MEIS1: variants seen among roughly 807,000 people sequenced by gnomAD.
MEIS1 encodes the protein homeobox protein Meis1.
In MEIS1, 5 loss-of-function variants were observed where a neutral mutation model predicts 50.8. That is an observed-to-expected ratio of 0.10 (90% confidence interval 0.05 to 0.21). The LOEUF (loss-of-function observed/expected upper bound fraction) is 0.21. MEIS1 is among the 10% of genes least tolerant of loss of function. The probability of loss-of-function intolerance (pLI) is 1.00; values close to 1 mark genes in which losing one functional copy is unlikely to be tolerated. For missense variants in MEIS1, 318 were observed against 517.3 expected, an observed-to-expected ratio of 0.61 and a Z score of 3.74; for synonymous variants, 176 against 179.3, an observed-to-expected ratio of 0.98 and a Z score of 0.15.
chr2:66,509,922 A>G (rs1459118324), intron 7 of MEIS1, among the ~76,000 whole-genome samples: 1 of 152,216 alleles, frequency 6.6e-6, no homozygotes, highest in Non-Finnish European at 1.5e-5. Flanking sequence ...GGCAGGCACT[A>G]TGCATTGCTT....
chr2:66,490,004 A>G (rs1470557334), intron 7 of MEIS1, among the ~76,000 whole-genome samples: 1 of 152,250 alleles, frequency 6.6e-6, no homozygotes, highest in Non-Finnish European at 1.5e-5. Flanking sequence ...TGGATTGCAT[A>G]AAACTGCTTA....
chr2:66,463,977 T>C (rs1202348353), intron 6 of MEIS1, 132 bp from the exon 7 acceptor site: 2 of 653,232 alleles, frequency 3.1e-6, no homozygotes, highest in Admixed American at 5.1e-5. Context: ...GGAACCATGG[T>C]TGAAGGGGGA....
In MEIS1 at chr2:66,458,160, A is replaced by C. The variant is rs186848387; in HGVS notation, c.631-5949A>C. 2.3e-3 allele frequency among the ~76,000 whole-genome samples: 351 copies of C among 152,122 alleles called. 1 individual carries two copies. Among genetic ancestry groups the C allele is most frequent in the Non-Finnish European group, 3.4e-3 (233 of 67,986 alleles). On this transcript the variant is annotated intron_variant, in intron 6 of 12. Coordinates refer to ENST00000272369, the MANE Select transcript of MEIS1 (RefSeq NM_002398.3). ...GTGTAGAAGTTTTGAAGAAAAAAAAACTCTATTTTTGGTTCGAAAAAAATG... is the reference window on the plus strand; with the variant it reads ...GTGTAGAAGTTTTGAAGAAAAAAAACCTCTATTTTTGGTTCGAAAAAAATG...
intron 9 of MEIS1, among the ~76,000 whole-genome samples, chr2:66,564,645 A>G (rs1415020165): frequency 2.0e-5 from 3 of 152,166 alleles, no homozygotes; most frequent in Non-Finnish European, 4.4e-5. Context: ...ATCCTGTGGA[A>G]GTAAAATTAG....
chr2:66,512,059 C>T, intron 7 of MEIS1, 90 bp from the exon 8 acceptor site: 1 of 1,345,860 alleles, frequency 7.4e-7, no homozygotes, highest in Non-Finnish European at 9.7e-7. Flanking sequence ...TAAATTTGCT[C>T]TTTTGGTTTT....
In MEIS1 at chr2:66,548,017, T is replaced by C; in HGVS notation, c.963T>C (p.Asn321=). ...DTGLTILQVN[N]WFINARRRIV... ...GACTCACCATCCTTCAAGTGAACAA[T>C]TGGTAAGTAATTTGGCTTTGTGTTT... is the stretch of plus-strand genomic sequence containing the variant. Residue 321 remains asparagine (N), a splice_region_variant and synonymous_variant, in exon 9 of 13, where the codon AAT becomes AAC. Transcript: ENST00000272369. 6.2e-7 allele frequency: 1 copy of C among 1,612,484 alleles called. No homozygotes were observed. Among genetic ancestry groups the C allele is most frequent in the East Asian group, 2.2e-5 (1 of 44,834 alleles).
At chr2:66,440,412 G>C (rs1017358425) in intron 3 of MEIS1, 150 bp from the exon 4 acceptor site, 1 of 697,836 alleles carries the variant, frequency 1.4e-6, no homozygotes, top group East Asian at 2.7e-5. Context: ...TGCGCGGGAC[G>C]AACTCGGTGT....
intron 6 of MEIS1, among the ~76,000 whole-genome samples, chr2:66,452,206 A>G (rs971696000): frequency 2.0e-5 from 3 of 151,940 alleles, no homozygotes; most frequent in African/African-American, 7.2e-5. Context: ...AGTGTAAAAA[A>G]TTTGTGATAA....
intron 2 of MEIS1, chr2:66,439,160 C>T: frequency 2.1e-6 from 1 of 469,978 alleles, no homozygotes; most frequent in Admixed American, 6.5e-5. Context: ...TTTGCCACTT[C>T]GCAGAGACAA....
chr2:66,567,523 A>G lies in MEIS1; in HGVS notation c.1024+12A>G. The G allele has an allele frequency of 1.9e-6, 3 of 1,613,494 alleles. No individual in the cohort carries two copies. The highest frequency in any genetic ancestry group is 1.7e-6 in the Non-Finnish European group (2 of 1,179,648). On this transcript the variant is annotated intron_variant, in intron 10 of 12. Coordinates refer to ENST00000272369, the MANE Select transcript of MEIS1 (RefSeq NM_002398.3). ...GTCCAACCGAGCAGGCAAGTCCCCCATAGTGACTGTATTCAAGTCACGCAA... is the reference window on the plus strand; with the variant it reads ...GTCCAACCGAGCAGGCAAGTCCCCCGTAGTGACTGTATTCAAGTCACGCAA...
chr2:66,539,026 C>A (rs2103911408), intron 8 of MEIS1, among the ~76,000 whole-genome samples: 1 of 152,188 alleles, frequency 6.6e-6, no homozygotes, highest in Non-Finnish European at 1.5e-5. Context: ...TAGCTGGGAC[C>A]ACAGGCGTGT....
At chr2:66,512,325 TA>T (rs770238667) in intron 8 of MEIS1, 31 bp downstream of exon 8, 6 of 1,591,268 alleles carry the variant, frequency 3.8e-6, no homozygotes, top group Non-Finnish European at 3.4e-6. Context: ...ATATATAAAC[TA>T]AATATGGACA....
chr2:66,435,762 T>C lies in MEIS1; in HGVS notation c.-95T>C. 1 of 885,490 alleles carries C rather than the reference T, an allele frequency of 1.1e-6. No individual in the cohort carries two copies. Among genetic ancestry groups the C allele is most frequent in the Non-Finnish European group, 1.7e-6 (1 of 594,566 alleles). The allele number at this position is 885,490 out of a possible 1,614,324, so 54.9% of individuals were successfully genotyped here. ...GTCGTGCTTTTTTTTTTTTTTTTTTTTTTTTCCGGGGGAGTTTGAATATTT... is the reference window on the plus strand; with the variant it reads ...GTCGTGCTTTTTTTTTTTTTTTTTTCTTTTTCCGGGGGAGTTTGAATATTT... On this transcript the variant is annotated 5_prime_UTR_variant, in exon 1 of 13. Transcript: ENST00000272369.
intron 7 of MEIS1, among the ~76,000 whole-genome samples, chr2:66,493,042 A>T (rs1051701836): frequency 2.6e-5 from 4 of 152,182 alleles, no homozygotes; most frequent in Non-Finnish European, 5.9e-5. Flanking sequence ...GGACTTTGGG[A>T]CCATGTTGCT....
At chr2:66,438,309 T>C (rs1671852410) in intron 2 of MEIS1, among the ~76,000 whole-genome samples, 1 of 152,230 alleles carries the variant, frequency 6.6e-6, no homozygotes, top group Admixed American at 6.5e-5. Flanking sequence ...TAGGGGTTTC[T>C]AAATGCAGGC....
At chr2:66,496,408 TG>T (rs1468443211) in intron 7 of MEIS1, among the ~76,000 whole-genome samples, 1 of 152,128 alleles carries the variant, frequency 6.6e-6, no homozygotes, top group Non-Finnish European at 1.5e-5. Flanking sequence ...GTCTCTTTTT[TG>T]CTCTTCTCTG....
intron 8 of MEIS1, among the ~76,000 whole-genome samples, chr2:66,520,577 C>T (rs1674092318): frequency 6.6e-6 from 1 of 152,158 alleles, no homozygotes; most frequent in South Asian, 2.1e-4. Flanking sequence ...CTCCTGCCTG[C>T]ATAATGTGAC....
intron 6 of MEIS1, among the ~76,000 whole-genome samples, chr2:66,449,192 A>G (rs1378264999): frequency 6.6e-6 from 1 of 152,138 alleles, no homozygotes; most frequent in Non-Finnish European, 1.5e-5. Context: ...CCCAAGTAAA[A>G]CAACACTGCT....
At chr2:66,563,183 T>C (rs1675260624) in intron 9 of MEIS1, among the ~76,000 whole-genome samples, 1 of 152,160 alleles carries the variant, frequency 6.6e-6, no homozygotes, top group Non-Finnish European at 1.5e-5. Flanking sequence ...TAAACTAACA[T>C]ACTTTGTAAA....
Sources: gnomAD v4.1 joint callset for allele counts (sites outside exome capture counted in the v4.1 genomes callset) on GRCh38, gnomAD v4.1.1 for gene constraint, MANE v1.5 for transcripts, NCBI Gene and HGNC (gene_info 2026-07-23, HGNC 2026-07-21) for gene names.